NUP153: variants seen among roughly 807,000 people sequenced by gnomAD.
NUP153 encodes nuclear pore complex protein Nup153.
A neutral mutation model predicts 134.6 loss-of-function variants in NUP153; 27 were observed. The ratio of observed to expected loss-of-function variants is 0.20; its 90% CI spans 0.15 to 0.28. NUP153 has a LOEUF of 0.28. NUP153 is among the 10% of genes least tolerant of loss of function. NUP153 has a pLI of 1.00. For missense variants in NUP153, 1,821 were observed against 1,731.3 expected (o/e 1.05, Z -0.92); for synonymous variants, 640 against 623.5 (o/e 1.03, Z -0.40).
At chr6:17,701,833 G>GGGGGT (rs1554148670) in intron 1 of NUP153, among the ~76,000 whole-genome samples, 1 of 48,958 alleles carries the variant, frequency 2.0e-5, no homozygotes, top group Non-Finnish European at 5.1e-5. Flanking sequence ...ACTCTGTCTC[G>GGGGGT]GGGGGGGGGG....
intron 11 of NUP153, among the ~76,000 whole-genome samples, chr6:17,657,501 G>A (rs1766901806): frequency 6.6e-6 from 1 of 151,990 alleles, no homozygotes; most frequent in Non-Finnish European, 1.5e-5. Flanking sequence ...GAGGTGGAGG[G>A]TGCCATGAGC....
rs4236171 is a variant in NUP153, at chr6:17,638,934, C to T, written c.1846+1005G>A. Among the ~76,000 whole-genome samples the T allele has an allele frequency of 0.98, 149,697 of 152,344 alleles. 73,586 individuals are homozygous for T. The highest frequency in any genetic ancestry group is 1 in the Middle Eastern group (294 of 294). On this transcript the variant is annotated intron_variant, in intron 15 of 21. Transcript: ENST00000262077. The surrounding 1 kb of genome is among the most constrained non-coding windows in gnomAD (Gnocchi z 4.0). Reference sequence around the variant, plus strand: ...AGCTGGACCAGAAAAATTGAATCCTCCTAAATCCTGTTGTAAAAGCCAACC... The same window carrying T: ...AGCTGGACCAGAAAAATTGAATCCTTCTAAATCCTGTTGTAAAAGCCAACC...
intron 1 of NUP153, among the ~76,000 whole-genome samples, chr6:17,696,140 C>T (rs138967553): frequency 6.6e-6 from 1 of 152,042 alleles, no homozygotes; most frequent in African/African-American, 2.4e-5. Context: ...ACAAACAAAC[C>T]AACCAACCCC....
chr6:17,619,780 A>G (rs1343934144), intron 20 of NUP153: 10 of 152,096 alleles, frequency 6.6e-5, no homozygotes. Context: ...TACCAAAAAT[A>G]CCAATGACAT....
chr6:17,619,221 T>C (rs2113759333), intron 20 of NUP153, among the ~76,000 whole-genome samples: 1 of 152,314 alleles, frequency 6.6e-6, no homozygotes, highest in Admixed American at 6.5e-5. Flanking sequence ...ATAAAAATGA[T>C]TTCCAATCTA....
intron 1 of NUP153, among the ~76,000 whole-genome samples, chr6:17,701,642 C>A (rs1459050249): frequency 7.3e-6 from 1 of 137,658 alleles, no homozygotes; most frequent in African/African-American, 2.8e-5. Flanking sequence ...GCCTGGGTGA[C>A]AGAACAAGAC....
chr6:17,647,199 TTAAAA>T (rs1766244327), intron 13 of NUP153, among the ~76,000 whole-genome samples: 1 of 152,174 alleles, frequency 6.6e-6, no homozygotes, highest in Admixed American at 6.6e-5. Context: ...AAATGACATA[TTAAAA>T]TAATATAAAC....
At chr6:17,686,569 G>C (rs1035400007) in intron 2 of NUP153, among the ~76,000 whole-genome samples, 1 of 150,988 alleles carries the variant, frequency 6.6e-6, no homozygotes, top group African/African-American at 2.4e-5. Context: ...CTAATTTTTT[G>C]TATTTTTAGT....
chr6:17,696,375 T>G, intron 1 of NUP153, among the ~76,000 whole-genome samples: 1 of 152,202 alleles, frequency 6.6e-6, no homozygotes, highest in East Asian at 1.9e-4. Context: ...GAGGAGTTCT[T>G]GAGAGAAGAG....
In NUP153 at chr6:17,706,311, A is replaced by C; in HGVS notation, c.77T>G (p.Ile26Ser). 6.2e-7 allele frequency: 1 copy of C among 1,613,632 alleles called. No individual in the cohort carries two copies. The highest frequency in any genetic ancestry group is 8.5e-7 in the Non-Finnish European group (1 of 1,179,736). The change falls in exon 1 of 22, where the codon ATT (isoleucine) becomes AGT (serine). Residue 26 changes from isoleucine (I) to serine (S), a missense_variant. Transcript: ENST00000262077. This position sits in a 1 kb window ranked among gnomAD's most constrained non-coding sequence, Gnocchi z 5.9. ...TTGTCGCCCCTGCTGGTAAGGCTTA[A>C]TTGGCCCCTGGTGGCAACGCCGCGT... ...IRTRRCHQGPIKPYQQGRQQH... is the reference protein window; with the variant it reads ...IRTRRCHQGPSKPYQQGRQQH...
chr6:17,705,637 G>A (rs1427172764), intron 1 of NUP153, among the ~76,000 whole-genome samples: 1 of 151,860 alleles, frequency 6.6e-6, no homozygotes, highest in Non-Finnish European at 1.5e-5. Flanking sequence ...GGGTGGAGAG[G>A]GACTTTCAAA....
intron 11 of NUP153, among the ~76,000 whole-genome samples, chr6:17,660,697 T>A (rs1767124559): frequency 6.6e-6 from 1 of 152,158 alleles, no homozygotes; most frequent in African/African-American, 2.4e-5. Context: ...AAGATCTATC[T>A]ATTGTCATAT....
chr6:17,661,951 T>C (rs1277901194), intron 10 of NUP153, 67 bp downstream of exon 10: 3 of 1,317,534 alleles, frequency 2.3e-6, no homozygotes, highest in South Asian at 1.3e-5. Context: ...AAAAGGTACA[T>C]GTAAATTAAA....
At position 17,625,235 on chromosome 6, in the gene NUP153, A is replaced by G. The variant is rs977376635; in HGVS notation, c.3902-402T>C. On this transcript the variant is annotated intron_variant, in intron 19 of 21. Transcript: ENST00000262077. The surrounding 1 kb of genome is among the most constrained non-coding windows in gnomAD (Gnocchi z 4.7). ...AGTGTCTGGTTACTGACAACCTAACATTTTAAAAACAAAGCTTGGGGCCAG... is the reference window on the plus strand; with the variant it reads ...AGTGTCTGGTTACTGACAACCTAACGTTTTAAAAACAAAGCTTGGGGCCAG... Among the ~76,000 whole-genome samples, 2 of 152,166 alleles carry G rather than the reference A, an allele frequency of 1.3e-5. No individual in the cohort carries two copies. Among genetic ancestry groups the G allele is most frequent in the Admixed American group, 6.5e-5 (1 of 15,272 alleles).
intron 9 of NUP153, among the ~76,000 whole-genome samples, chr6:17,663,004 G>C (rs1767286451): frequency 3.3e-5 from 5 of 152,134 alleles, no homozygotes; most frequent in Admixed American, 2.6e-4. Context: ...CATGATGTTA[G>C]AATTTCTTCT....
At chr6:17,704,904 C>T (rs1032588530) in intron 1 of NUP153, among the ~76,000 whole-genome samples, 13 of 152,194 alleles carry the variant, frequency 8.5e-5, no homozygotes, top group Non-Finnish European at 1.6e-4. Context: ...GGACTACAGG[C>T]GCCTGCCACC....
At position 17,649,186 on chromosome 6, in the gene NUP153, A is replaced by C; in HGVS notation, c.1510T>G (p.Ser504Ala). 1 of 1,613,640 alleles carries C rather than the reference A, an allele frequency of 6.2e-7. No homozygotes were observed. The highest frequency in any genetic ancestry group is 1.1e-5 in the South Asian group (1 of 91,000). Reference protein sequence around the residue: ...ITTSSPSPINSSQALTNKVQM... With the variant: ...ITTSSPSPINASQALTNKVQM... ...ACCTTGTTTGTTAATGCTTGAGACG[A>C]ATTGATGGGTGATGGAGAGGAAGTT... The change falls in exon 12 of 22, where the codon TCG becomes GCG. Residue 504 changes from serine (S) to alanine (A), a missense_variant. Physicochemically the swap from Ser to Ala is moderately conservative, Grantham distance 99. Transcript: ENST00000262077.
At chr6:17,693,415 C>A (rs1316046894) in intron 1 of NUP153, among the ~76,000 whole-genome samples, 2 of 152,134 alleles carry the variant, frequency 1.3e-5, no homozygotes, top group Non-Finnish European at 2.9e-5. Context: ...TTAAATCTTG[C>A]TCCATCTCCA....
intron 20 of NUP153, among the ~76,000 whole-genome samples, chr6:17,617,048 C>T (rs369646480): frequency 1.1e-4 from 17 of 152,088 alleles, no homozygotes; most frequent in Non-Finnish European, 1.5e-5. Flanking sequence ...TGCACCCGGC[C>T]GCAACATGAT....
Sources: gnomAD v4.1 joint callset for allele counts (sites outside exome capture counted in the v4.1 genomes callset) on GRCh38, gnomAD v4.1.1 for gene constraint, Gnocchi (gnomAD v3.1) non-coding constraint, MANE v1.5 for transcripts, NCBI Gene and HGNC (gene_info 2026-07-23, HGNC 2026-07-21) for gene names.